The following COL4A6 variants were observed in gnomAD, a reference collection of about 807,000 sequenced individuals.
COL4A6 encodes the protein collagen type IV alpha 6 chain, also known as collagen alpha-6(IV) chain.
In COL4A6, 59 loss-of-function variants were observed where a neutral mutation model predicts 126.7. The ratio of observed to expected loss-of-function variants is 0.47; its 90% confidence interval spans 0.38 to 0.58. The LOEUF (loss-of-function observed/expected upper bound fraction) is 0.58. Among genes scored for constraint, COL4A6 ranks in the 20% least tolerant of loss-of-function variants. The pLI, the probability that COL4A6 is intolerant of heterozygous loss-of-function variation, is 0.00. For synonymous variants in COL4A6, 547 were observed against 496.6 expected (o/e 1.10, Z -1.35); for missense variants, 1,285 against 1,337.3 (o/e 0.96, Z 0.61).
intron 2 of COL4A6, among the ~76,000 whole-genome samples, chrX:108,364,573 C>G (rs946118593): frequency 1.8e-5 from 2 of 110,632 alleles, no homozygotes; most frequent in Non-Finnish European, 3.8e-5. Flanking sequence ...TTTTACATCA[C>G]CCACTCCCCT....
chrX:108,350,207 G>A (rs1319045874), intron 2 of COL4A6, among the ~76,000 whole-genome samples: 1 of 111,789 alleles, frequency 8.9e-6, no homozygotes, highest in Non-Finnish European at 1.9e-5. Flanking sequence ...AATATATATG[G>A]GGTAATGGAG....
intron 2 of COL4A6, among the ~76,000 whole-genome samples, chrX:108,320,346 G>A (rs2038995837): frequency 9.0e-6 from 1 of 111,575 alleles, no homozygotes; most frequent in Non-Finnish European, 1.9e-5. Context: ...GTCCAGCCAC[G>A]TGGATACATA....
At chrX:108,307,214 T>A (rs375601030) in intron 3 of COL4A6, among the ~76,000 whole-genome samples, 1 of 111,858 alleles carries the variant, frequency 8.9e-6, no homozygotes, top group East Asian at 2.8e-4. Context: ...TAAGTTCAAA[T>A]CTGAACATAG....
chrX:108,343,134 A>AATATATAT (rs555568295), intron 2 of COL4A6, among the ~76,000 whole-genome samples: 6 of 55,188 alleles, frequency 1.1e-4, no homozygotes, highest in African/African-American at 2.9e-4. Flanking sequence ...GATTAATGGG[A>AATATATAT]ATATATATAT....
chrX:108,400,753 C>G (rs974902329), intron 2 of COL4A6, among the ~76,000 whole-genome samples: 2 of 111,329 alleles, frequency 1.8e-5, no homozygotes, highest in Non-Finnish European at 3.8e-5. Context: ...TAAAAGATAG[C>G]CTTCATTTCT....
chrX:108,325,997 C>T (rs1318743789), intron 2 of COL4A6, among the ~76,000 whole-genome samples: 1 of 111,758 alleles, frequency 8.9e-6, no homozygotes, highest in East Asian at 2.8e-4. Flanking sequence ...AATGCTTTCC[C>T]TGCTAAGATT....
At chrX:108,344,739 C>T (rs1273974646) in intron 2 of COL4A6, among the ~76,000 whole-genome samples, 1 of 111,727 alleles carries the variant, frequency 9.0e-6, no homozygotes, top group Non-Finnish European at 1.9e-5. Flanking sequence ...ATTTATTTGC[C>T]ACTAGGCTTT....
At chrX:108,354,602 C>T (rs1276468177) in intron 2 of COL4A6, among the ~76,000 whole-genome samples, 1 of 87,045 alleles carries the variant, frequency 1.1e-5, no homozygotes, top group Non-Finnish European at 2.2e-5. Context: ...AATCCCTCCC[C>T]CCCCCCTTTT....
chrX:108,402,851 C>T (rs944271294), intron 2 of COL4A6, among the ~76,000 whole-genome samples: 2 of 110,590 alleles, frequency 1.8e-5, no homozygotes, highest in African/African-American at 3.3e-5. Context: ...GCTTTAGGGC[C>T]GAATACATGC....
At chrX:108,164,166 C>A (rs1451411245) in intron 40 of COL4A6, among the ~76,000 whole-genome samples, 1 of 111,905 alleles carries the variant, frequency 8.9e-6, no homozygotes, top group African/African-American at 3.3e-5. Context: ...CTGGGGGTAG[C>A]AACCAAGGTA....
At chrX:108,364,392 G>C (rs2040152668) in intron 2 of COL4A6, among the ~76,000 whole-genome samples, 2 of 109,117 alleles carry the variant, frequency 1.8e-5, no homozygotes, top group African/African-American at 6.7e-5. Context: ...TGTTACATAG[G>C]ACATGTTTAA....
intron 2 of COL4A6, among the ~76,000 whole-genome samples, chrX:108,337,997 A>G (rs1179563861): frequency 9.0e-6 from 1 of 111,131 alleles, no homozygotes; most frequent in Non-Finnish European, 1.9e-5. Context: ...ATTATGACCT[A>G]AGAAGTCCAA....
rs191097404 is a variant in COL4A6, at chrX:108,268,155, C to T, written c.144+42593G>A. The T allele has an allele frequency of 1.5e-4, 17 of 111,493 alleles. No homozygotes were observed. The East Asian group carries it at 3.7e-3, about 24-fold the overall frequency. The allele number at this position is 111,493 out of a possible 1,213,427, so 9.2% of individuals were successfully genotyped here. On this transcript the variant is annotated intron_variant, in intron 3 of 44. Transcript: ENST00000334504. ...ATATTCCAATAGGAAGGAAAAACATCGACTTACTCCATAAAGGAAGTTAAG... is the reference window on the plus strand; with the variant it reads ...ATATTCCAATAGGAAGGAAAAACATTGACTTACTCCATAAAGGAAGTTAAG...
chrX:108,176,682 C>T (rs2034499969), intron 28 of COL4A6, among the ~76,000 whole-genome samples, 159 bp downstream of exon 28: 1 of 112,208 alleles, frequency 8.9e-6, no homozygotes, highest in Non-Finnish European at 1.9e-5. Flanking sequence ...ACCAGAGGTC[C>T]CCCTTTAGCA....
chrX:108,355,742 G>A (rs956868530), intron 2 of COL4A6, among the ~76,000 whole-genome samples: 1 of 111,606 alleles, frequency 9.0e-6, no homozygotes, highest in Non-Finnish European at 1.9e-5. Context: ...AAAACTCTTA[G>A]GAAAGAAAGT....
At chrX:108,284,308 C>A (rs1209981875) in intron 3 of COL4A6, among the ~76,000 whole-genome samples, 1 of 24,895 alleles carries the variant, frequency 4.0e-5, no homozygotes, top group African/African-American at 1.7e-4. Context: ...TGGGGCCTGT[C>A]GGGGGCTGGG....
chrX:108,174,723 G>T, intron 30 of COL4A6, 102 bp from the exon 31 acceptor site: 1 of 708,539 alleles, frequency 1.4e-6, no homozygotes, highest in East Asian at 3.4e-5. Context: ...GCAGGCTCAG[G>T]GAGCAGTTAG....
rs1248598985 is a variant in COL4A6 at position 108,308,397 on chromosome X, C to T, written c.144+2351G>A. 2.7e-5 allele frequency among the ~76,000 whole-genome samples: 3 copies of T among 112,126 alleles called. No homozygotes were observed. In the Admixed American group the frequency reaches 2.8e-4, roughly 11 times the overall value. On this transcript the variant is annotated intron_variant, in intron 3 of 44. Coordinates refer to ENST00000334504, the MANE Select transcript of COL4A6 (RefSeq NM_033641.4). Reference sequence around the variant, plus strand: ...CTTCTCAGTTTCCTGGTTGTTGTGTCTAACTGCTTCTCACCCTGCCACAAT... The same window carrying T: ...CTTCTCAGTTTCCTGGTTGTTGTGTTTAACTGCTTCTCACCCTGCCACAAT...
At chrX:108,223,415 T>C (rs946029755) in intron 3 of COL4A6, among the ~76,000 whole-genome samples, 14 of 111,587 alleles carry the variant, frequency 1.3e-4, no homozygotes, top group Non-Finnish European at 1.9e-4. Flanking sequence ...GGGCCTAGGT[T>C]TCAAGACTAA....
Sources: gnomAD v4.1 joint callset for allele counts (sites outside exome capture counted in the v4.1 genomes callset) on GRCh38, gnomAD v4.1.1 for gene constraint, MANE v1.5 for transcripts, NCBI Gene and HGNC (gene_info 2026-07-23, HGNC 2026-07-21) for gene names.